The following BICC1 variants were observed in gnomAD, a reference collection of about 807,000 sequenced individuals.
The protein encoded by BICC1 is BicC family RNA binding protein 1, also known as protein bicaudal C homolog 1.
BICC1 carries 43 observed loss-of-function variants against 111.0 expected under a neutral mutation model. That is an observed-to-expected ratio of 0.39 (90% CI 0.30 to 0.50). BICC1 has a LOEUF of 0.50. Ranked by LOEUF, BICC1 falls within the 20% of genes least tolerant of loss-of-function variation. The pLI is 0.88. For missense variants in BICC1, 1,091 were observed against 1,203.2 expected (o/e 0.91, Z 1.38); for synonymous variants, 467 against 434.4 (o/e 1.07, Z -0.93).
chr10:58,552,015 T>C (rs1335039048), intron 1 of BICC1, among the ~76,000 whole-genome samples: 1 of 151,940 alleles, frequency 6.6e-6, no homozygotes, highest in Non-Finnish European at 1.5e-5. Context: ...TTAATGAACA[T>C]CAAGCAGATT....
intron 1 of BICC1, among the ~76,000 whole-genome samples, chr10:58,546,233 G>C (rs1381407589): frequency 2.0e-5 from 3 of 152,098 alleles, no homozygotes; most frequent in African/African-American, 7.2e-5. Context: ...AGAGCTCTAA[G>C]TAATAAGTAA....
intron 2 of BICC1, among the ~76,000 whole-genome samples, chr10:58,667,424 T>A (rs1231620607): frequency 6.6e-6 from 1 of 152,082 alleles, no homozygotes; most frequent in Non-Finnish European, 1.5e-5. Flanking sequence ...AAAGTAGAAG[T>A]CTTTGGATAC....
intron 10 of BICC1, 127 bp from the exon 11 acceptor site, chr10:58,798,272 A>G (rs1843420657): frequency 1.4e-6 from 1 of 726,276 alleles, no homozygotes; most frequent in South Asian, 2.9e-5. Context: ...AAAATCTGTC[A>G]TCCATATTTT....
intron 8 of BICC1, 96 bp downstream of exon 8, chr10:58,790,029 G>A: frequency 4.3e-6 from 6 of 1,385,614 alleles, no homozygotes; most frequent in Non-Finnish European, 5.9e-6. Context: ...ATTTAGGAAA[G>A]CACTTCGGAA....
At chr10:58,658,319 G>A (rs944845660) in intron 2 of BICC1, among the ~76,000 whole-genome samples, 3 of 151,972 alleles carry the variant, frequency 2.0e-5, no homozygotes, top group Non-Finnish European at 4.4e-5. Context: ...TCCTGAGTAG[G>A]TGGGATTGTA....
Position 58,829,131 on chromosome 10 carries a change from A to G in BICC1, c.*240A>G, listed in dbSNP as rs1470519062. Reference sequence around the variant, plus strand: ...AAAATGGCAGTTGGACAGAATTTGCAATATAAGGATAGGGCTTTATTTCCT... The same window carrying G: ...AAAATGGCAGTTGGACAGAATTTGCGATATAAGGATAGGGCTTTATTTCCT... On this transcript the variant is annotated 3_prime_UTR_variant, in exon 21 of 21. Coordinates refer to ENST00000373886, the MANE Select transcript of BICC1 (RefSeq NM_001080512.3). 2.7e-6 allele frequency: 1 copy of G among 368,564 alleles called. No homozygotes were observed. The highest frequency in any genetic ancestry group is 4.8e-6 in the Non-Finnish European group (1 of 206,326). The allele number at this position is 368,564 out of a possible 1,614,324, so 22.8% of individuals were successfully genotyped here.
intron 1 of BICC1, among the ~76,000 whole-genome samples, chr10:58,566,336 A>G (rs921637398): frequency 6.6e-6 from 1 of 152,180 alleles, no homozygotes; most frequent in Non-Finnish European, 1.5e-5. Flanking sequence ...TCAATTATAT[A>G]TATACATACA....
intron 2 of BICC1, among the ~76,000 whole-genome samples, chr10:58,641,638 C>T (rs992073447): frequency 1.3e-5 from 2 of 152,036 alleles, no homozygotes; most frequent in African/African-American, 4.8e-5. Context: ...AATAATACAG[C>T]GAAGGTTATC....
At chr10:58,579,898 C>T (rs1844229088) in intron 1 of BICC1, among the ~76,000 whole-genome samples, 1 of 152,064 alleles carries the variant, frequency 6.6e-6, no homozygotes, top group African/African-American at 2.4e-5. Context: ...AATATATACT[C>T]TAGCTTACTC....
intron 15 of BICC1, among the ~76,000 whole-genome samples, chr10:58,805,575 A>G (rs892580963): frequency 2.2e-4 from 34 of 152,204 alleles, no homozygotes; most frequent in Non-Finnish European, 2.1e-4. Context: ...ACACATGGCT[A>G]TGTTTTTAGT....
chr10:58,714,375 T>A (rs576105713), intron 3 of BICC1, among the ~76,000 whole-genome samples: 1 of 152,320 alleles, frequency 6.6e-6, no homozygotes, highest in Non-Finnish European at 1.5e-5. Context: ...GTAAAAGAGA[T>A]AAAACATAGT....
chr10:58,821,242 C>T, intron 20 of BICC1, among the ~76,000 whole-genome samples: 1 of 152,168 alleles, frequency 6.6e-6, no homozygotes, highest in East Asian at 1.9e-4. Flanking sequence ...CAATAAAGTT[C>T]TTGAATGTCA....
intron 2 of BICC1, among the ~76,000 whole-genome samples, chr10:58,681,672 G>A (rs1839525482): frequency 6.6e-6 from 1 of 151,960 alleles, no homozygotes; most frequent in African/African-American, 2.4e-5. Flanking sequence ...TGGGTTCTTG[G>A]TCTCACTGAC....
intron 2 of BICC1, among the ~76,000 whole-genome samples, chr10:58,698,360 C>G (rs774723175): frequency 6.6e-5 from 10 of 152,162 alleles, no homozygotes; most frequent in Non-Finnish European, 1.2e-4. Flanking sequence ...CCAGCCCTCT[C>G]TTCTTTTTCC....
At chr10:58,674,164 G>A (rs781084651) in intron 2 of BICC1, among the ~76,000 whole-genome samples, 3 of 152,226 alleles carry the variant, frequency 2.0e-5, no homozygotes, top group Admixed American at 1.3e-4. Context: ...GCATTTGCAC[G>A]TGATAGCTGG....
intron 2 of BICC1, among the ~76,000 whole-genome samples, chr10:58,649,190 T>C (rs1156271372): frequency 1.3e-5 from 2 of 152,186 alleles, no homozygotes; most frequent in African/African-American, 4.8e-5. Context: ...AAATCTCTCT[T>C]AAATATTGGG....
intron 12 of BICC1, among the ~76,000 whole-genome samples, chr10:58,799,821 T>G (rs1385438775): frequency 6.6e-6 from 1 of 152,190 alleles, no homozygotes; most frequent in Non-Finnish European, 1.5e-5. Context: ...TAAGATTGCT[T>G]TGGCTATTTG....
intron 1 of BICC1, among the ~76,000 whole-genome samples, chr10:58,514,477 A>G (rs1842187614): frequency 6.6e-6 from 1 of 152,224 alleles, no homozygotes; most frequent in Non-Finnish European, 1.5e-5. Flanking sequence ...GTGGAAATGC[A>G]GTGGCTTTTT....
chr10:58,800,284 A>G lies in BICC1; in HGVS notation c.1816A>G (p.Ser606Gly). 1 of 1,613,734 alleles carries G rather than the reference A, an allele frequency of 6.2e-7. No homozygotes were observed. The highest frequency in any genetic ancestry group is 8.5e-7 in the Non-Finnish European group (1 of 1,179,824). The part of the protein sequence containing the change: ...ANHGDPSIQT[S>G]GSEQTSPKSS... ...TCACGGGGATCCGTCCATCCAGACA[A>G]GTGGGTCTGAGCAGACATCTCCCAA... The change falls in exon 13 of 21, where the codon AGT becomes GGT. Residue 606 changes from serine to glycine, a missense_variant. Coordinates refer to ENST00000373886, the MANE Select transcript of BICC1 (RefSeq NM_001080512.3).
Sources: gnomAD v4.1 joint callset for allele counts (sites outside exome capture counted in the v4.1 genomes callset) on GRCh38, gnomAD v4.1.1 for gene constraint, MANE v1.5 for transcripts, NCBI Gene and HGNC (gene_info 2026-07-23, HGNC 2026-07-21) for gene names.